The following PRKN variants were observed in gnomAD, a reference collection of about 807,000 sequenced individuals.
PRKN encodes the protein E3 ubiquitin-protein ligase parkin.
In PRKN, 56 loss-of-function variants were observed where a neutral mutation model predicts 59.5. That is an observed-to-expected ratio of 0.94 (90% confidence interval 0.76 to 1.18). PRKN has a LOEUF of 1.18. Among genes scored for constraint, PRKN ranks in the 50% most tolerant of loss-of-function variants. The probability of loss-of-function intolerance (pLI) is 0.00; values close to 1 mark genes in which losing one functional copy is unlikely to be tolerated. For synonymous variants in PRKN, 250 were observed against 222.1 expected, an observed-to-expected ratio of 1.13 and a Z score of -1.12; for missense variants, 657 against 596.4, an observed-to-expected ratio of 1.10 and a Z score of -1.06.
rs61442187 is a variant in PRKN at position 161,805,478 on chromosome 6, A to ACACGCATG, written c.735-19571_735-19570insCATGCGTG. ...CACACACACACACACACACACACAC[A>ACACGCATG]CATGCATGTACACACACATGTACAC... is the stretch of plus-strand genomic sequence containing the variant. On this transcript the variant is annotated intron_variant, in intron 6 of 11. Coordinates refer to ENST00000366898, the MANE Select transcript of PRKN (RefSeq NM_004562.3). Among the ~76,000 whole-genome samples the ACACGCATG allele has an allele frequency of 2.7e-4, 40 of 149,472 alleles. 1 individual carries two copies. Among genetic ancestry groups the ACACGCATG allele is most frequent in the South Asian group, 8.4e-4 (4 of 4,734 alleles).
intron 7 of PRKN, among the ~76,000 whole-genome samples, chr6:161,644,886 A>G (rs1418158630): frequency 6.6e-6 from 1 of 152,236 alleles, no homozygotes. Context: ...AGCTAACTTT[A>G]GTTGGATTCT....
At chr6:161,778,378 A>G (rs1790048950) in intron 7 of PRKN, among the ~76,000 whole-genome samples, 1 of 152,210 alleles carries the variant, frequency 6.6e-6, no homozygotes, top group South Asian at 2.1e-4. Context: ...CCAGTACCAG[A>G]TTAATCCATC....
Position 161,414,316 on chromosome 6 carries a change from G to A in PRKN, c.1084-27439C>T, listed in dbSNP as rs1212260908. ...TTGTCACAGGCAGCGGCCAGTCTCT[G>A]TGTTCTCGGGCGCTCTGTGTCAGGT... is the stretch of plus-strand genomic sequence containing the variant. On this transcript the variant is annotated intron_variant, in intron 9 of 11. Transcript: ENST00000366898. This position sits in a 1 kb window ranked among gnomAD's most constrained non-coding sequence, Gnocchi z 5.3. Among the ~76,000 whole-genome samples, 1 of 152,170 alleles carries A rather than the reference G, an allele frequency of 6.6e-6. No homozygotes were observed. The highest frequency in any genetic ancestry group is 1.9e-4 in the East Asian group (1 of 5,186).
chr6:162,509,725 C>T (rs566001770), intron 1 of PRKN, among the ~76,000 whole-genome samples: 16 of 152,282 alleles, frequency 1.1e-4, no homozygotes, highest in Admixed American at 5.2e-4. Context: ...GCAGACACTG[C>T]TGTATAAAAA....
At chr6:162,217,645 C>T (rs895802705) in intron 3 of PRKN, among the ~76,000 whole-genome samples, 2 of 152,042 alleles carry the variant, frequency 1.3e-5, no homozygotes, top group African/African-American at 4.8e-5. Context: ...GCCCACCTCG[C>T]CCTCCCAAAG....
At chr6:161,637,465 T>C (rs1783568045) in intron 7 of PRKN, among the ~76,000 whole-genome samples, 1 of 152,154 alleles carries the variant, frequency 6.6e-6, no homozygotes, top group South Asian at 2.1e-4. Context: ...TGAAAATATC[T>C]ACATAATTTA....
At chr6:162,010,755 AAT>A (rs1491413858) in intron 5 of PRKN, among the ~76,000 whole-genome samples, 1 of 3,994 alleles carries the variant, frequency 2.5e-4, no homozygotes, top group Non-Finnish European at 3.1e-4. Context: ...TATAATATAC[AAT>A]ATATAATATA....
chr6:162,573,266 G>T (rs1482975775), intron 1 of PRKN, among the ~76,000 whole-genome samples: 2 of 152,112 alleles, frequency 1.3e-5, no homozygotes, highest in Non-Finnish European at 2.9e-5. Context: ...CCCTCACTCT[G>T]TGCATGCAAG....
In PRKN at chr6:161,362,757, G is replaced by A. The variant is rs557769349; in HGVS notation, c.1168-2552C>T. 3.3e-5 allele frequency among the ~76,000 whole-genome samples: 5 copies of A among 152,270 alleles called. No individual in the cohort carries two copies. Among genetic ancestry groups the A allele is most frequent in the African/African-American group, 1.2e-4 (5 of 41,546 alleles). The stretch of plus-strand genomic sequence containing the variant: ...AGGCGGAAGCAAAAATATCTTTTGT[G>A]GAGCACAGCACTTTAAAAAGCCAAA... On this transcript the variant is annotated intron_variant, in intron 10 of 11. Transcript: ENST00000366898. This position sits in a 1 kb window ranked among gnomAD's most constrained non-coding sequence, Gnocchi z 5.2.
intron 9 of PRKN, among the ~76,000 whole-genome samples, chr6:161,439,929 TTTTTGTTTTTTGTTTTG>T (rs1317413877): frequency 6.8e-6 from 1 of 147,636 alleles, no homozygotes; most frequent in East Asian, 1.9e-4. Context: ...GGCCTAGGTT[TTTTTGTTTTTTGTTTTG>T]TTTTGTTTTT....
At chr6:161,754,216 G>C (rs1191384446) in intron 7 of PRKN, among the ~76,000 whole-genome samples, 2 of 152,004 alleles carry the variant, frequency 1.3e-5, no homozygotes, top group Non-Finnish European at 2.9e-5. Context: ...AGGCGGGTGA[G>C]ACAAATGACC....
At chr6:162,648,172 T>C (rs548071660) in intron 1 of PRKN, among the ~76,000 whole-genome samples, 126 of 152,158 alleles carry the variant, frequency 8.3e-4, no homozygotes, top group Non-Finnish European at 1.5e-3. Flanking sequence ...ATGTAACTAC[T>C]TGACAAAGGA....
rs189734947 is a variant in PRKN at position 162,347,251 on chromosome 6, G to A, written c.172-84486C>T. Among the ~76,000 whole-genome samples, 3 of 148,596 alleles carry A rather than the reference G, an allele frequency of 2.0e-5. No homozygotes were observed. In the East Asian group the frequency reaches 5.9e-4, roughly 29 times the overall value. On this transcript the variant is annotated intron_variant, in intron 2 of 11. Transcript: ENST00000366898. ...TAATTTTCAGCCTCTGTTCCTTTCT[G>A]ATGAAAAAAAAATAAAGCTCACCAA...
intron 7 of PRKN, among the ~76,000 whole-genome samples, chr6:161,763,917 G>T (rs1453599735): frequency 6.6e-6 from 1 of 151,888 alleles, no homozygotes; most frequent in African/African-American, 2.4e-5. Context: ...CTCTCCTCTT[G>T]CCCCTTTGCA....
chr6:161,504,319 G>A (rs572144461), intron 9 of PRKN, among the ~76,000 whole-genome samples: 169 of 152,236 alleles, frequency 1.1e-3, no homozygotes, highest in African/African-American at 3.8e-3. Context: ...GGATTGCCAT[G>A]GGGACCACTC....
intron 6 of PRKN, among the ~76,000 whole-genome samples, chr6:161,945,427 T>C (rs1465405316): frequency 6.6e-6 from 1 of 152,220 alleles, no homozygotes; most frequent in Admixed American, 6.5e-5. Flanking sequence ...TCCTTCCATA[T>C]ATCTGTCTCT....
chr6:162,291,797 T>C (rs1234765577), intron 2 of PRKN, among the ~76,000 whole-genome samples: 1 of 152,072 alleles, frequency 6.6e-6, no homozygotes, highest in Non-Finnish European at 1.5e-5. Flanking sequence ...TTCTCCATTA[T>C]AGAAGAGGAA....
chr6:161,738,608 T>C (rs183725488), intron 7 of PRKN, among the ~76,000 whole-genome samples: 1 of 152,274 alleles, frequency 6.6e-6, no homozygotes, highest in Non-Finnish European at 1.5e-5. Context: ...TGGAGAGGCA[T>C]GGCTTTGAAC....
At chr6:161,392,569 T>C (rs1454451614) in intron 9 of PRKN, among the ~76,000 whole-genome samples, 2 of 151,618 alleles carry the variant, frequency 1.3e-5, no homozygotes, top group Non-Finnish European at 2.9e-5. Context: ...CAGGTAGCCA[T>C]ATGGCAAATT....
Sources: gnomAD v4.1 joint callset for allele counts (sites outside exome capture counted in the v4.1 genomes callset) on GRCh38, gnomAD v4.1.1 for gene constraint, Gnocchi (gnomAD v3.1) non-coding constraint, MANE v1.5 for transcripts, NCBI Gene and HGNC (gene_info 2026-07-23, HGNC 2026-07-21) for gene names.